RNF216: variants seen among roughly 807,000 people sequenced by gnomAD.
RNF216 encodes the protein E3 ubiquitin-protein ligase RNF216.
A neutral mutation model predicts 110.8 loss-of-function variants in RNF216; 72 were observed. The observed-to-expected ratio is 0.65, with a 90% confidence interval of 0.54 to 0.79. The LOEUF is 0.79. Among genes scored for constraint, RNF216 ranks in the 30% least tolerant of loss-of-function variants. The pLI is 0.00. For synonymous variants in RNF216, 495 were observed against 407.5 expected (o/e 1.21, Z -2.59); for missense variants, 1,342 against 1,141.2 (o/e 1.18, Z -2.54).
At chr7:5,734,815 ACT>A (rs1385793681) in intron 5 of RNF216, among the ~76,000 whole-genome samples, 1 of 134,828 alleles carries the variant, frequency 7.4e-6, no homozygotes, top group Admixed American at 8.0e-5. Context: ...CAAGGGCAAA[ACT>A]CTCTCTCAAA....
chr7:5,755,210 GAAGA>G (rs1390983724), intron 2 of RNF216, among the ~76,000 whole-genome samples: 68 of 118,974 alleles, frequency 5.7e-4, no homozygotes, highest in Non-Finnish European at 1.4e-4. Flanking sequence ...GGGAGGGAAG[GAAGA>G]AAGGAAGGAA....
chr7:5,717,033 C>G (rs1437631362), intron 9 of RNF216, among the ~76,000 whole-genome samples: 1 of 152,114 alleles, frequency 6.6e-6, no homozygotes, highest in Non-Finnish European at 1.5e-5. Context: ...CAAAGAATAG[C>G]ATCAACAAAA....
chr7:5,623,608 T>A (rs1459865349), intron 16 of RNF216, among the ~76,000 whole-genome samples: 10 of 152,044 alleles, frequency 6.6e-5, no homozygotes, highest in African/African-American at 2.4e-5. Context: ...CTCTTTTTTT[T>A]AAAGAAAAAC....
At chr7:5,765,675 G>A (rs944621771) in intron 1 of RNF216, among the ~76,000 whole-genome samples, 5 of 151,432 alleles carry the variant, frequency 3.3e-5, no homozygotes, top group African/African-American at 1.2e-4. Context: ...TGGCATGGTG[G>A]CTCACACCTG....
chr7:5,762,964 T>C (rs1796011535), intron 1 of RNF216, among the ~76,000 whole-genome samples: 1 of 152,164 alleles, frequency 6.6e-6, no homozygotes, highest in South Asian at 2.1e-4. Flanking sequence ...AGTATCATGG[T>C]GTTAAAGCCA....
chr7:5,734,467 C>CT (rs1306040634), intron 5 of RNF216, among the ~76,000 whole-genome samples: 3 of 152,076 alleles, frequency 2.0e-5, no homozygotes, highest in Admixed American at 6.6e-5. Context: ...AATTATTGAG[C>CT]TGTGCATCTT....
intron 8 of RNF216, among the ~76,000 whole-genome samples, chr7:5,722,852 C>T (rs532773104): frequency 6.6e-6 from 1 of 151,810 alleles, no homozygotes; most frequent in Non-Finnish European, 1.5e-5. Context: ...TGAAACCCCC[C>T]AGGCATGATG....
At chr7:5,699,640 T>C (rs936664757) in intron 13 of RNF216, among the ~76,000 whole-genome samples, 6 of 152,302 alleles carry the variant, frequency 3.9e-5, no homozygotes, top group East Asian at 3.9e-4. Context: ...CCCAGGGGAA[T>C]TGTACAGAAA....
intron 1 of RNF216, among the ~76,000 whole-genome samples, chr7:5,764,280 G>A (rs576748263): frequency 6.7e-6 from 1 of 149,684 alleles, no homozygotes; most frequent in African/African-American, 2.4e-5. Context: ...ACAGGCTATT[G>A]GACAGTAGTA....
intron 13 of RNF216, among the ~76,000 whole-genome samples, chr7:5,677,496 C>G (rs1584433473): frequency 6.6e-6 from 1 of 152,194 alleles, no homozygotes; most frequent in Non-Finnish European, 1.5e-5. Context: ...CAAGCCATAT[C>G]GAAAGGCCAC....
chr7:5,653,600 C>CAAA lies in RNF216; in HGVS notation c.2062-1093_2062-1091dup, dbSNP rs34530431. 5.9e-3 allele frequency among the ~76,000 whole-genome samples: 296 copies of CAAA among 50,350 alleles called. 10 individuals carry two copies. The highest frequency in any genetic ancestry group is 0.034 in the Middle Eastern group (2 of 58). 33.0% of individuals were successfully genotyped at this position (50,350 alleles called of 152,430 possible). A position where few individuals can be genotyped will look rare whatever the true frequency, so the allele number is the denominator to read the frequency against. ...TGGGCGACAGAGCAAGACTCTGTCT[C>CAAA]AAAAAAAAAAAAAAAAAAAAAAAAG... On this transcript the variant is annotated intron_variant, in intron 13 of 16. Coordinates refer to ENST00000389902, the MANE Select transcript of RNF216 (RefSeq NM_207111.4).
chr7:5,748,404 T>C (rs374586124), intron 3 of RNF216, among the ~76,000 whole-genome samples: 13 of 152,256 alleles, frequency 8.5e-5, no homozygotes, highest in Admixed American at 5.2e-4. Context: ...GGATTATAGG[T>C]GCTCACCACC....
At chr7:5,734,608 C>CTTTCCTCACTGGAAGG (rs201100224) in intron 5 of RNF216, among the ~76,000 whole-genome samples, 1 of 136,940 alleles carries the variant, frequency 7.3e-6, no homozygotes. Flanking sequence ...AAATGGCTTT[C>CTTTCCTCACTGGAAGG]AAGGTTAAAT....
At chr7:5,681,532 G>C (rs149555724) in intron 13 of RNF216, among the ~76,000 whole-genome samples, 2,968 of 152,128 alleles carry the variant, frequency 0.02, 45 homozygotes, top group Non-Finnish European at 0.031. Flanking sequence ...CTAGGGCTAG[G>C]CAGGACCTGT....
At chr7:5,775,662 G>A (rs952962422) in intron 1 of RNF216, among the ~76,000 whole-genome samples, 5 of 151,916 alleles carry the variant, frequency 3.3e-5, no homozygotes, top group African/African-American at 1.2e-4. Flanking sequence ...TTGAGGTCAG[G>A]AGTTCAAGAC....
chr7:5,697,413 A>G (rs1019970621), intron 13 of RNF216, among the ~76,000 whole-genome samples: 3 of 152,194 alleles, frequency 2.0e-5, no homozygotes, highest in African/African-American at 2.4e-5. Context: ...ATCAGCCCAC[A>G]TGTCTCCATA....
chr7:5,683,248 CTTTG>C (rs1332170181), intron 13 of RNF216, among the ~76,000 whole-genome samples: 1 of 151,834 alleles, frequency 6.6e-6, no homozygotes, highest in Non-Finnish European at 1.5e-5. Context: ...CTCCTGGCCT[CTTTG>C]TTTATTCATT....
At chr7:5,724,321 A>C (rs1793621276) in intron 8 of RNF216, among the ~76,000 whole-genome samples, 1 of 152,252 alleles carries the variant, frequency 6.6e-6, no homozygotes, top group East Asian at 1.9e-4. Context: ...CAGGAAGTAC[A>C]TGCTGACAAA....
intron 13 of RNF216, among the ~76,000 whole-genome samples, chr7:5,668,984 C>A (rs1346994855): frequency 6.6e-6 from 1 of 152,198 alleles, no homozygotes; most frequent in Non-Finnish European, 1.5e-5. Flanking sequence ...AGTCATCTCC[C>A]CCAGGAATAT....
Sources: gnomAD v4.1 joint callset for allele counts (sites outside exome capture counted in the v4.1 genomes callset) on GRCh38, gnomAD v4.1.1 for gene constraint, MANE v1.5 for transcripts, NCBI Gene and HGNC (gene_info 2026-07-23, HGNC 2026-07-21) for gene names.